Variants in TIMM23B observed in about 807,000 individuals in gnomAD.
TIMM23B encodes mitochondrial import inner membrane translocase subunit Tim23B.
In TIMM23B, 27 loss-of-function variants were observed where a neutral mutation model predicts 27.3. That is an observed-to-expected ratio of 0.99 (90% CI 0.73 to 1.36). The LOEUF (loss-of-function observed/expected upper bound fraction) is 1.36, where lower values mean the gene tolerates loss of function less well. Among genes scored for constraint, TIMM23B ranks in the 40% most tolerant of loss-of-function variants. TIMM23B has a pLI of 0.00. For synonymous variants in TIMM23B, 73 were observed against 92.4 expected (o/e 0.79, Z 1.21); for missense variants, 205 against 244.2 (o/e 0.84, Z 1.07).
chr10:49,969,093 T>G (rs1226498597), intron 6 of TIMM23B, among the ~76,000 whole-genome samples: 1 of 152,200 alleles, frequency 6.6e-6, no homozygotes, highest in Non-Finnish European at 1.5e-5. Context: ...GGTCAGTTCT[T>G]AAGGCTTTGA....
intron 5 of TIMM23B, among the ~76,000 whole-genome samples, chr10:49,957,227 A>G (rs1839754611): frequency 6.7e-6 from 1 of 149,814 alleles, no homozygotes; most frequent in Non-Finnish European, 1.5e-5. Flanking sequence ...GGGAACACAT[A>G]CTTAACATTT....
intron 2 of TIMM23B, among the ~76,000 whole-genome samples, chr10:49,945,443 C>A (rs1180757708): frequency 1.3e-5 from 2 of 152,132 alleles, no homozygotes; most frequent in Non-Finnish European, 2.9e-5. Context: ...TGCAGTAGCG[C>A]GATCTCTGCT....
At position 49,971,457 on chromosome 10, in the gene TIMM23B, G is replaced by A. The variant is rs201981361; in HGVS notation, c.515-1555G>A. 1.3e-4 allele frequency among the ~76,000 whole-genome samples: 19 copies of A among 151,542 alleles called. 1 individual carries two copies. The East Asian group carries it at 3.7e-3, about 29-fold the overall frequency. On this transcript the variant is annotated intron_variant, in intron 6 of 6. Coordinates refer to ENST00000651259, the MANE Select transcript of TIMM23B (RefSeq NM_001290117.2). ...AATTATTTTAAAACAAACAAAAAAA[G>A]AGAATGTAAGCAGTATAAGACTTTA...
At chr10:49,959,394 T>TA (rs1461159319) in intron 6 of TIMM23B, among the ~76,000 whole-genome samples, 1 of 152,238 alleles carries the variant, frequency 6.6e-6, no homozygotes, top group Non-Finnish European at 1.5e-5. Flanking sequence ...ATGATCATCT[T>TA]ACGCTACTGG....
At chr10:49,955,622 G>A (rs1839690725) in intron 5 of TIMM23B, among the ~76,000 whole-genome samples, 1 of 152,188 alleles carries the variant, frequency 6.6e-6, no homozygotes, top group Non-Finnish European at 1.5e-5. Flanking sequence ...GTTTATGAAT[G>A]ATTGATCACT....
intron 6 of TIMM23B, among the ~76,000 whole-genome samples, chr10:49,963,292 C>A (rs1376823047): frequency 6.6e-6 from 1 of 151,334 alleles, no homozygotes; most frequent in Non-Finnish European, 1.5e-5. Context: ...GTCTCTGTCT[C>A]GAAATGAAAT....
intron 6 of TIMM23B, among the ~76,000 whole-genome samples, chr10:49,962,317 C>A (rs1226198149): frequency 6.6e-6 from 1 of 151,898 alleles, no homozygotes. Flanking sequence ...ATTCTCCTGC[C>A]TCAGCTTCCC....
chr10:49,961,168 G>A (rs1171342716), intron 6 of TIMM23B, among the ~76,000 whole-genome samples: 2 of 150,900 alleles, frequency 1.3e-5, no homozygotes, highest in African/African-American at 4.8e-5. Context: ...TGGATCCCCT[G>A]AGGTCAGGAG....
At chr10:49,970,624 G>C (rs1316648851) in intron 6 of TIMM23B, among the ~76,000 whole-genome samples, 1 of 140,326 alleles carries the variant, frequency 7.1e-6, no homozygotes, top group African/African-American at 2.6e-5. Flanking sequence ...AGGTGGGGGG[G>C]CAGCCCCCGC....
intron 5 of TIMM23B, among the ~76,000 whole-genome samples, chr10:49,956,037 C>A (rs1190725279): frequency 6.8e-6 from 1 of 147,926 alleles, no homozygotes; most frequent in Non-Finnish European, 1.5e-5. Context: ...ATCTCCACCC[C>A]CCGCCCACCC....
At chr10:49,958,992 C>T (rs1224338227) in intron 6 of TIMM23B, among the ~76,000 whole-genome samples, 5 of 152,184 alleles carry the variant, frequency 3.3e-5, no homozygotes, top group Admixed American at 6.5e-5. Context: ...CCACATTTTG[C>T]ATGTGCATTC....
chr10:49,953,952 G>T (rs1839623701), intron 4 of TIMM23B, among the ~76,000 whole-genome samples: 1 of 152,064 alleles, frequency 6.6e-6, no homozygotes, highest in African/African-American at 2.4e-5. Flanking sequence ...AGATCTCCTA[G>T]AAAAGACAAC....
At chr10:49,948,092 CTA>C (rs1400744729) in intron 2 of TIMM23B, among the ~76,000 whole-genome samples, 34 of 152,224 alleles carry the variant, frequency 2.2e-4, no homozygotes, top group African/African-American at 7.5e-4. Flanking sequence ...AGACATTTCT[CTA>C]TGAAGATATA....
At chr10:49,946,552 A>G (rs1839362052) in intron 2 of TIMM23B, among the ~76,000 whole-genome samples, 2 of 152,176 alleles carry the variant, frequency 1.3e-5, no homozygotes, top group African/African-American at 2.4e-5. Context: ...GACAGTTGCA[A>G]TGAACACTAC....
chr10:49,957,481 C>T (rs1839765828), intron 5 of TIMM23B, among the ~76,000 whole-genome samples: 1 of 152,038 alleles, frequency 6.6e-6, no homozygotes, highest in African/African-American at 2.4e-5. Context: ...GTCTCTGACT[C>T]CTGGGCTTAT....
At chr10:49,946,055 T>C (rs1216351716) in intron 2 of TIMM23B, among the ~76,000 whole-genome samples, 3 of 152,160 alleles carry the variant, frequency 2.0e-5, no homozygotes, top group Non-Finnish European at 2.9e-5. Flanking sequence ...CCAGGCGTGG[T>C]GGTGCCTACC....
intron 2 of TIMM23B, among the ~76,000 whole-genome samples, chr10:49,951,357 C>A (rs1261184330): frequency 6.6e-6 from 1 of 151,132 alleles, no homozygotes; most frequent in African/African-American, 2.4e-5. Flanking sequence ...TTATTTTAAC[C>A]ATCTTTGGAT....
chr10:49,969,436 CAAAAAA>C (rs533041097), intron 6 of TIMM23B, among the ~76,000 whole-genome samples: 3 of 74,754 alleles, frequency 4.0e-5, no homozygotes, highest in African/African-American at 1.0e-4. Context: ...GACCCTGTGT[CAAAAAA>C]AAAAAAAAAA....
At chr10:49,942,387 T>G (rs1287879696) in intron 1 of TIMM23B, 87 bp downstream of exon 1, 22 of 1,541,488 alleles carry the variant, frequency 1.4e-5, no homozygotes, top group Admixed American at 6.1e-5. Context: ...ATGTTGTTGG[T>G]TTTTTTTTCC....
Sources: allele counts gnomAD v4.1 joint callset (sites outside exome capture counted in the v4.1 genomes callset), GRCh38; gene constraint gnomAD v4.1.1; transcripts MANE v1.5; gene names NCBI Gene and HGNC (gene_info 2026-07-23, HGNC 2026-07-21).